The following GRK5 variants were observed in gnomAD, a reference collection of about 807,000 sequenced individuals.
The protein encoded by GRK5 is g protein-coupled receptor kinase GRK5.
A neutral mutation model predicts 78.4 loss-of-function variants in GRK5; 40 were observed. The ratio of observed to expected loss-of-function variants is 0.51; its 90% CI spans 0.40 to 0.66. GRK5 has a LOEUF of 0.66. GRK5 is among the 30% of genes least tolerant of loss of function. The pLI, the probability that GRK5 is intolerant of heterozygous loss-of-function variation, is 0.00. For missense variants in GRK5, 598 were observed against 759.9 expected (o/e 0.79, Z 2.50); for synonymous variants, 289 against 296.8 (o/e 0.97, Z 0.27).
rs1389673987 is a variant in GRK5, at chr10:119,458,758, C to T, written c.*3691C>T. 1 of 152,294 alleles carries T rather than the reference C, an allele frequency of 6.6e-6. No homozygotes were observed. Among genetic ancestry groups the T allele is most frequent in the African/African-American group, 2.4e-5 (1 of 41,440 alleles). 9.4% of individuals were successfully genotyped at this position (152,294 alleles called of 1,614,324 possible). A position where few individuals can be genotyped will look rare whatever the true frequency, so the allele number is the denominator to read the frequency against. ...GGGAGCCTGGCCCCGCTGCAGAAAT[C>T]CCTTCTCTTCCTCCACACCCTGTCC... On this transcript the variant is annotated 3_prime_UTR_variant, in exon 16 of 16. Coordinates refer to ENST00000392870, the MANE Select transcript of GRK5 (RefSeq NM_005308.3).
chr10:119,306,821 C>T (rs1850278795), intron 1 of GRK5, among the ~76,000 whole-genome samples: 1 of 152,074 alleles, frequency 6.6e-6, no homozygotes, highest in South Asian at 2.1e-4. Flanking sequence ...GGTGCAGTGT[C>T]CTCTAGCGTC....
At chr10:119,245,256 G>A (rs1047790606) in intron 1 of GRK5, among the ~76,000 whole-genome samples, 6 of 151,840 alleles carry the variant, frequency 4.0e-5, no homozygotes, top group East Asian at 1.9e-4. Context: ...GCAGCCTGGC[G>A]ACAGAGCAAG....
chr10:119,435,186 T>C (rs1852894614), intron 8 of GRK5, among the ~76,000 whole-genome samples: 1 of 152,244 alleles, frequency 6.6e-6, no homozygotes, highest in Non-Finnish European at 1.5e-5. Flanking sequence ...GAGGGGCTGC[T>C]GTGAAGACCT....
chr10:119,431,325 G>GA lies in GRK5; in HGVS notation c.598-61dup. 6.4e-7 allele frequency: 1 copy of GA among 1,555,934 alleles called. No homozygotes were observed. The highest frequency in any genetic ancestry group is 1.2e-5 in the South Asian group (1 of 82,142). ...TGGGAGGCCTGTGGTCCCCGCCCTG[G>GA]AGGAGCTCGGGGCAGGCCTCCACGG... On this transcript the variant is annotated intron_variant, in intron 7 of 15. Transcript: ENST00000392870. This position sits in a 1 kb window ranked among gnomAD's most constrained non-coding sequence, Gnocchi z 4.8.
intron 1 of GRK5, among the ~76,000 whole-genome samples, chr10:119,218,342 A>G (rs1018762300): frequency 6.6e-6 from 1 of 152,180 alleles, no homozygotes; most frequent in Non-Finnish European, 1.5e-5. Flanking sequence ...AGGAGATAGA[A>G]TTACCCAACT....
At chr10:119,454,946 G>C in intron 15 of GRK5, 23 bp from the exon 16 acceptor site, 4 of 1,472,200 alleles carry the variant, frequency 2.7e-6, no homozygotes, top group Non-Finnish European at 3.8e-6. Context: ...TCTCCACCCC[G>C]TCTCCCCCAA....
intron 5 of GRK5, among the ~76,000 whole-genome samples, chr10:119,423,559 A>G (rs1037255585): frequency 6.6e-6 from 1 of 152,230 alleles, no homozygotes; most frequent in Non-Finnish European, 1.5e-5. Context: ...AGTCTTTCCC[A>G]GGGTCCTCAA....
intron 2 of GRK5, 78 bp from the exon 3 acceptor site, chr10:119,380,737 C>T: frequency 1.2e-6 from 1 of 845,562 alleles, no homozygotes; most frequent in East Asian, 2.5e-5. Context: ...GGGCTCTGAG[C>T]CCAGGTGTGG....
rs1419308816 is a variant in GRK5 at position 119,271,906 on chromosome 10, GA to G, written c.53-54607del. 6.6e-6 allele frequency among the ~76,000 whole-genome samples: 1 copy of G among 152,190 alleles called. No homozygotes were observed. The highest frequency in any genetic ancestry group is 2.4e-5 in the African/African-American group (1 of 41,448). ...GGGAGGCTGAAGGAGTTCATCTGTG[GA>G]AATCATTTGGCATGATGCCTACTCT... is the stretch of plus-strand genomic sequence containing the variant. On this transcript the variant is annotated intron_variant, in intron 1 of 15. Transcript: ENST00000392870. This position sits in a 1 kb window ranked among gnomAD's most constrained non-coding sequence, Gnocchi z 4.1.
chr10:119,247,188 T>C (rs1420576231), intron 1 of GRK5, among the ~76,000 whole-genome samples: 2 of 152,166 alleles, frequency 1.3e-5, no homozygotes, highest in Non-Finnish European at 2.9e-5. Context: ...GAACATTCCA[T>C]TAGAATAAGA....
At chr10:119,423,692 C>T (rs1267571474) in intron 5 of GRK5, among the ~76,000 whole-genome samples, 1 of 152,172 alleles carries the variant, frequency 6.6e-6, no homozygotes, top group East Asian at 1.9e-4. Context: ...AAGTCGATGG[C>T]CATGCTGCCA....
intron 1 of GRK5, among the ~76,000 whole-genome samples, chr10:119,292,229 TCTC>T (rs1219314991): frequency 2.9e-5 from 2 of 70,142 alleles, no homozygotes; most frequent in African/African-American, 5.8e-5. Flanking sequence ...TCTTCCTCCT[TCTC>T]CTCCTATTCC....
intron 1 of GRK5, among the ~76,000 whole-genome samples, chr10:119,272,051 A>G (rs1849590487): frequency 6.6e-6 from 1 of 152,184 alleles, no homozygotes; most frequent in Non-Finnish European, 1.5e-5. Context: ...CTGGCCCTGT[A>G]GGCTGACGCG....
intron 2 of GRK5, among the ~76,000 whole-genome samples, chr10:119,375,631 T>C (rs1441436741): frequency 6.6e-6 from 1 of 152,216 alleles, no homozygotes; most frequent in Non-Finnish European, 1.5e-5. Context: ...AAGTGTCTGG[T>C]ACCTTGCTAA....
chr10:119,239,735 T>C (rs1300309273), intron 1 of GRK5, among the ~76,000 whole-genome samples: 1 of 145,128 alleles, frequency 6.9e-6, no homozygotes, highest in Non-Finnish European at 1.5e-5. Context: ...CCTTTGTCCA[T>C]GTGTTGTTAT....
In GRK5 at chr10:119,404,285, C is replaced by G. The variant is rs567107908; in HGVS notation, c.339+7513C>G. Among the ~76,000 whole-genome samples the G allele has an allele frequency of 2.0e-3, 304 of 152,338 alleles. 1 individual carries two copies. The highest frequency in any genetic ancestry group is 7.1e-3 in the African/African-American group (295 of 41,576). The stretch of plus-strand genomic sequence containing the variant: ...TAATTAATAATGTTGAACACCCTTT[C>G]TTGTGCTTTTTGGCCACTTGTGTAA... On this transcript the variant is annotated intron_variant, in intron 4 of 15. Transcript: ENST00000392870.
At chr10:119,354,547 G>A (rs1287242736) in intron 2 of GRK5, among the ~76,000 whole-genome samples, 1 of 151,986 alleles carries the variant, frequency 6.6e-6, no homozygotes, top group Non-Finnish European at 1.5e-5. Context: ...GGCTACAGGT[G>A]TACACCGCCA....
chr10:119,374,772 G>GCAGACCCCT (rs11282757), intron 2 of GRK5, among the ~76,000 whole-genome samples: 66,225 of 151,532 alleles, frequency 0.44, 15,060 homozygotes, highest in East Asian at 0.78. Flanking sequence ...GGTCATGAGG[G>GCAGACCCCT]CATTGTTGGT....
intron 1 of GRK5, among the ~76,000 whole-genome samples, chr10:119,325,781 A>G (rs890697172): frequency 1.3e-5 from 2 of 152,224 alleles, no homozygotes; most frequent in Non-Finnish European, 2.9e-5. Flanking sequence ...TGCAAGGATG[A>G]CGGGAACACC....
Sources: gnomAD v4.1 joint callset for allele counts (sites outside exome capture counted in the v4.1 genomes callset) on GRCh38, gnomAD v4.1.1 for gene constraint, Gnocchi (gnomAD v3.1) non-coding constraint, MANE v1.5 for transcripts, NCBI Gene and HGNC (gene_info 2026-07-23, HGNC 2026-07-21) for gene names.